COMMD10: variants seen among roughly 807,000 people sequenced by gnomAD.
COMMD10 encodes the protein COMM domain-containing protein 10.
In COMMD10, 33 loss-of-function variants were observed where a neutral mutation model predicts 28.9. The observed-to-expected ratio is 1.14, with a 90% CI of 0.87 to 1.53. The LOEUF is 1.53. Ranked by LOEUF, COMMD10 falls within the 40% of genes most tolerant of loss-of-function variation. The probability of loss-of-function intolerance (pLI) is 0.00; values close to 1 mark genes in which losing one functional copy is unlikely to be tolerated. For missense variants in COMMD10, 310 were observed against 233.4 expected, an observed-to-expected ratio of 1.33 and a Z score of -2.14; for synonymous variants, 110 against 81.7, an observed-to-expected ratio of 1.35 and a Z score of -1.87.
At chr5:116,176,360 C>T (rs1450170642) in intron 5 of COMMD10, among the ~76,000 whole-genome samples, 1 of 152,168 alleles carries the variant, frequency 6.6e-6, no homozygotes, top group Non-Finnish European at 1.5e-5. Context: ...GTGATCCACT[C>T]TCGTCGGCCT....
chr5:116,127,288 G>A (rs1190625253), intron 4 of COMMD10, among the ~76,000 whole-genome samples: 1 of 152,220 alleles, frequency 6.6e-6, no homozygotes, highest in Non-Finnish European at 1.5e-5. Flanking sequence ...AGGTGCTGAA[G>A]AGGATGTGGA....
Position 116,292,566 on chromosome 5 carries a change from G to T in COMMD10, c.*77G>T. The T allele has an allele frequency of 8.1e-7, 1 of 1,232,304 alleles. No individual in the cohort carries two copies. The allele number at this position is 1,232,304 out of a possible 1,614,324, so 76.3% of individuals were successfully genotyped here. ...CATTGAAGATACATTGCCAGGTTGTGTTTTCTGAAGGATTCAGTGACTTGC... is the reference window on the plus strand; with the variant it reads ...CATTGAAGATACATTGCCAGGTTGTTTTTTCTGAAGGATTCAGTGACTTGC... On this transcript the variant is annotated 3_prime_UTR_variant, in exon 7 of 7. Transcript: ENST00000274458.
chr5:116,189,264 G>T (rs545966948), intron 5 of COMMD10, among the ~76,000 whole-genome samples: 1 of 152,172 alleles, frequency 6.6e-6, no homozygotes, highest in African/African-American at 2.4e-5. Context: ...CAACAGTTTA[G>T]AATTTATTCT....
chr5:116,217,162 T>G (rs1749125782), intron 5 of COMMD10, among the ~76,000 whole-genome samples: 1 of 149,146 alleles, frequency 6.7e-6, no homozygotes, highest in Non-Finnish European at 1.5e-5. Flanking sequence ...AAAAAAAAAG[T>G]CCCCGCAATC....
chr5:116,210,904 A>G (rs1748947125), intron 5 of COMMD10, among the ~76,000 whole-genome samples: 1 of 152,072 alleles, frequency 6.6e-6, no homozygotes, highest in African/African-American at 2.4e-5. Flanking sequence ...TGCTTTGCCT[A>G]TTATTATTCC....
intron 5 of COMMD10, among the ~76,000 whole-genome samples, chr5:116,257,912 A>G (rs566627939): frequency 6.6e-6 from 1 of 151,786 alleles, no homozygotes; most frequent in South Asian, 2.1e-4. Flanking sequence ...TTTTTGAATC[A>G]CAGTTTTGTA....
intron 5 of COMMD10, among the ~76,000 whole-genome samples, chr5:116,209,049 C>A (rs936871410): frequency 6.6e-5 from 10 of 151,972 alleles, no homozygotes; most frequent in Admixed American, 5.2e-4. Context: ...TAATCTGATT[C>A]CTCTTCCATG....
chr5:116,085,374 A>T (rs1411146632), intron 1 of COMMD10: 2 of 423,558 alleles, frequency 4.7e-6, no homozygotes, highest in Non-Finnish European at 8.4e-6. Context: ...GGTCTGCGTC[A>T]CTGTTCGCGG....
chr5:116,199,832 A>G (rs575626174), intron 5 of COMMD10, among the ~76,000 whole-genome samples: 19 of 152,140 alleles, frequency 1.2e-4, no homozygotes, highest in African/African-American at 2.4e-4. Context: ...GGCTCAAGCA[A>G]TCCTCCAGAG....
intron 5 of COMMD10, among the ~76,000 whole-genome samples, chr5:116,140,253 G>GTGTGTGTGTGTGTGTGTGTGTGTA (rs1752157497): frequency 6.6e-6 from 1 of 150,828 alleles, no homozygotes; most frequent in African/African-American, 2.4e-5. Context: ...GTGTGTGTGT[G>GTGTGTGTGTGTGTGTGTGTGTGTA]TGTATGTGTC....
chr5:116,096,977 G>GT (rs1580441175), intron 4 of COMMD10, among the ~76,000 whole-genome samples: 2 of 151,154 alleles, frequency 1.3e-5, no homozygotes, highest in Admixed American at 1.3e-4. Context: ...TATACAGTCC[G>GT]TTTTTTTCCT....
chr5:116,282,433 T>C (rs1237874369), intron 5 of COMMD10, among the ~76,000 whole-genome samples: 1 of 151,924 alleles, frequency 6.6e-6, no homozygotes, highest in Non-Finnish European at 1.5e-5. Flanking sequence ...AAGTAAGTTC[T>C]TAAATATGTA....
chr5:116,175,022 G>A (rs1753456960), intron 5 of COMMD10, among the ~76,000 whole-genome samples: 1 of 151,976 alleles, frequency 6.6e-6, no homozygotes, highest in Non-Finnish European at 1.5e-5. Flanking sequence ...AGTTTGCTGG[G>A]GAACAGAGCT....
In COMMD10 at chr5:116,241,883, C is replaced by T. The variant is rs933492556; in HGVS notation, c.511-49634C>T. Among the ~76,000 whole-genome samples the T allele has an allele frequency of 2.1e-4, 32 of 152,140 alleles. 1 individual carries two copies. The highest frequency in any genetic ancestry group is 7.2e-5 in the African/African-American group (3 of 41,426). On this transcript the variant is annotated intron_variant, in intron 5 of 6. Coordinates refer to ENST00000274458, the MANE Select transcript of COMMD10 (RefSeq NM_016144.4). ...CCACCCACCTCGGCCTCCCAAAGTG[C>T]TGGGATTACAGGCGTGAGCCACCAC...
intron 5 of COMMD10, among the ~76,000 whole-genome samples, chr5:116,256,120 G>C (rs1479335666): frequency 6.6e-6 from 1 of 151,686 alleles, no homozygotes; most frequent in South Asian, 2.1e-4. Context: ...TGATAAGTCT[G>C]TAATATTTTA....
At chr5:116,225,157 T>G (rs1030184) in intron 5 of COMMD10, among the ~76,000 whole-genome samples, 7 of 151,680 alleles carry the variant, frequency 4.6e-5, no homozygotes, top group African/African-American at 1.2e-4. Flanking sequence ...TGTTGTTTCT[T>G]TTTTTCTCTT....
At chr5:116,218,048 G>A in intron 5 of COMMD10, 1 of 1,150,892 alleles carries the variant, frequency 8.7e-7, no homozygotes. Context: ...AGCACCTTCA[G>A]CTTTCTGTGC....
chr5:116,184,499 C>A (rs10054966), intron 5 of COMMD10, among the ~76,000 whole-genome samples: 47,579 of 151,730 alleles, frequency 0.31, 10,339 homozygotes, highest in African/African-American at 0.62. Flanking sequence ...ACCTCCACCC[C>A]GCCTTTCTGG....
intron 4 of COMMD10, among the ~76,000 whole-genome samples, chr5:116,110,691 G>T (rs1751014229): frequency 6.6e-6 from 1 of 152,138 alleles, no homozygotes; most frequent in Non-Finnish European, 1.5e-5. Context: ...TCTGCAGGCT[G>T]TACTGGAAGC....
Sources: allele counts gnomAD v4.1 joint callset (sites outside exome capture counted in the v4.1 genomes callset), GRCh38; gene constraint gnomAD v4.1.1; transcripts MANE v1.5; gene names NCBI Gene and HGNC (gene_info 2026-07-23, HGNC 2026-07-21).